Variants in PALM2AKAP2 observed in about 807,000 individuals in gnomAD.
PALM2AKAP2 encodes PALM2 and AKAP2 fusion, also known as PALM2-AKAP2 fusion protein.
A neutral mutation model predicts 71.5 loss-of-function variants in PALM2AKAP2; 37 were observed. The observed-to-expected ratio is 0.52, with a 90% CI of 0.40 to 0.68. PALM2AKAP2 has a LOEUF of 0.68. PALM2AKAP2 is among the 30% of genes least tolerant of loss of function. The pLI, the probability that PALM2AKAP2 is intolerant of heterozygous loss-of-function variation, is 0.00. For synonymous variants in PALM2AKAP2, 468 were observed against 478.8 expected (o/e 0.98, Z 0.29); for missense variants, 1,224 against 1,191.8 (o/e 1.03, Z -0.40).
chr9:109,959,799 A>T (rs1831820839), intron 6 of PALM2AKAP2, among the ~76,000 whole-genome samples: 1 of 152,178 alleles, frequency 6.6e-6, no homozygotes, highest in African/African-American at 2.4e-5. Flanking sequence ...TTCACCTACC[A>T]GGAGAAAATT....
At chr9:110,034,341 A>G (rs1833341140) in intron 7 of PALM2AKAP2, among the ~76,000 whole-genome samples, 1 of 151,828 alleles carries the variant, frequency 6.6e-6, no homozygotes. Flanking sequence ...TATTTTTAGT[A>G]GAGACAGGGT....
intron 1 of PALM2AKAP2, chr9:109,847,723 A>G (rs965045019): frequency 1.4e-5 from 2 of 146,216 alleles, no homozygotes; most frequent in African/African-American, 5.1e-5. Flanking sequence ...CCTGGGCAAG[A>G]GTGCAAGACT....
At chr9:110,057,677 C>T (rs1364175806) in intron 1 of PALM2AKAP2, among the ~76,000 whole-genome samples, 1 of 151,286 alleles carries the variant, frequency 6.6e-6, no homozygotes, top group Admixed American at 6.6e-5. Context: ...CACGCCCAGC[C>T]CTCTCCTTTT....
chr9:110,134,262 G>C (rs1281900622), intron 1 of PALM2AKAP2, among the ~76,000 whole-genome samples: 1 of 151,690 alleles, frequency 6.6e-6, no homozygotes, highest in African/African-American at 2.4e-5. Flanking sequence ...CTGGGCAACA[G>C]AGCAAGAGCC....
intron 1 of PALM2AKAP2, among the ~76,000 whole-genome samples, chr9:109,859,630 A>G (rs1829260050): frequency 1.3e-5 from 2 of 152,274 alleles, no homozygotes; most frequent in Non-Finnish European, 2.9e-5. Context: ...TTTTACAGAT[A>G]GATGGCAAGC....
intron 6 of PALM2AKAP2, among the ~76,000 whole-genome samples, chr9:110,014,560 G>A (rs1401795280): frequency 3.3e-5 from 5 of 151,524 alleles, no homozygotes; most frequent in Admixed American, 2.0e-4. Flanking sequence ...ATCACGTGAG[G>A]TCAGGAGTTC....
At chr9:109,841,481 G>A (rs1298004541) in intron 1 of PALM2AKAP2, among the ~76,000 whole-genome samples, 12 of 114,810 alleles carry the variant, frequency 1.0e-4, no homozygotes, top group African/African-American at 3.5e-4. Context: ...AAACCTGCAC[G>A]TTGTGCACAT....
chr9:109,782,905 C>A (rs914598707), intron 1 of PALM2AKAP2, among the ~76,000 whole-genome samples: 1 of 151,988 alleles, frequency 6.6e-6, no homozygotes. Flanking sequence ...TTCTGCAAAC[C>A]CTGACTCTCT....
At chr9:109,912,267 C>T (rs1830587548) in intron 3 of PALM2AKAP2, among the ~76,000 whole-genome samples, 1 of 151,490 alleles carries the variant, frequency 6.6e-6, no homozygotes, top group South Asian at 2.1e-4. Flanking sequence ...TAAAGGGACC[C>T]TTGTCTTCTC....
chr9:110,127,659 G>A (rs1000109727), intron 1 of PALM2AKAP2: 3 of 152,226 alleles, frequency 2.0e-5, no homozygotes, highest in African/African-American at 7.2e-5. Context: ...AGGGTGGAAC[G>A]GCCCACTCGG....
At chr9:110,011,950 C>T (rs564161276) in intron 6 of PALM2AKAP2, among the ~76,000 whole-genome samples, 2 of 152,302 alleles carry the variant, frequency 1.3e-5, no homozygotes, top group African/African-American at 4.8e-5. Context: ...TACATCATGA[C>T]ACAGCATAAT....
chr9:110,038,979 G>A (rs977016308), intron 7 of PALM2AKAP2, among the ~76,000 whole-genome samples: 4 of 140,998 alleles, frequency 2.8e-5, no homozygotes, highest in Admixed American at 1.5e-4. Flanking sequence ...CACTAATAAC[G>A]TTGGCCTGGT....
chr9:109,878,976 A>G (rs1377020158), intron 2 of PALM2AKAP2, among the ~76,000 whole-genome samples: 3 of 152,206 alleles, frequency 2.0e-5, no homozygotes, highest in African/African-American at 4.8e-5. Context: ...ACCTCAGGTG[A>G]TACGCCTGCC....
At chr9:109,748,492 G>A (rs1828836505) in intron 1 of PALM2AKAP2, among the ~76,000 whole-genome samples, 1 of 152,128 alleles carries the variant, frequency 6.6e-6, no homozygotes, top group African/African-American at 2.4e-5. Flanking sequence ...GGCGATCCCA[G>A]TTTACCTTTG....
chr9:109,789,218 C>A (rs1022747131), intron 1 of PALM2AKAP2, among the ~76,000 whole-genome samples: 2 of 152,120 alleles, frequency 1.3e-5, no homozygotes, highest in Non-Finnish European at 2.9e-5. Context: ...ACCATGACAG[C>A]CCCATTGAGA....
intron 1 of PALM2AKAP2, among the ~76,000 whole-genome samples, chr9:109,672,520 A>G (rs1173569913): frequency 1.3e-5 from 2 of 151,860 alleles, no homozygotes; most frequent in Admixed American, 1.3e-4. Context: ...CGTGTTGAGG[A>G]TTTTTGCATT....
chr9:110,037,209 T>A (rs1375418829), intron 7 of PALM2AKAP2, among the ~76,000 whole-genome samples: 1 of 152,172 alleles, frequency 6.6e-6, no homozygotes, highest in African/African-American at 2.4e-5. Context: ...TTTTGTTGTT[T>A]GTTTTTTTGA....
chr9:109,704,549 G>T (rs1332544112), intron 1 of PALM2AKAP2, among the ~76,000 whole-genome samples: 1 of 152,180 alleles, frequency 6.6e-6, no homozygotes, highest in East Asian at 1.9e-4. Context: ...CACCCTCACA[G>T]ATTTTAAATA....
chr9:109,684,275 C>A (rs1321759447), intron 1 of PALM2AKAP2, among the ~76,000 whole-genome samples: 1 of 152,188 alleles, frequency 6.6e-6, no homozygotes, highest in Non-Finnish European at 1.5e-5. Context: ...TCTCTTCCTG[C>A]AGCATCTAGG....
Sources: gnomAD v4.1 joint callset for allele counts (sites outside exome capture counted in the v4.1 genomes callset) on GRCh38, gnomAD v4.1.1 for gene constraint, MANE v1.5 for transcripts, NCBI Gene and HGNC (gene_info 2026-07-23, HGNC 2026-07-21) for gene names.